TAB2: variants seen among roughly 807,000 people sequenced by gnomAD.
TAB2 encodes TGF-beta-activated kinase 1 and MAP3K7-binding protein 2.
In TAB2, 3 loss-of-function variants were observed where a neutral mutation model predicts 65.0. The ratio of observed to expected loss-of-function variants is 0.05; its 90% CI spans 0.02 to 0.12. The LOEUF is 0.12. TAB2 is among the 10% of genes least tolerant of loss of function. The pLI, the probability that TAB2 is intolerant of heterozygous loss-of-function variation, is 1.00. For synonymous variants in TAB2, 298 were observed against 285.1 expected (o/e 1.05, Z -0.46); for missense variants, 623 against 840.3 (o/e 0.74, Z 3.20).
chr6:149,251,957 T>C (rs568007941), intron 1 of TAB2, among the ~76,000 whole-genome samples: 1 of 151,446 alleles, frequency 6.6e-6, no homozygotes, highest in South Asian at 2.1e-4. Flanking sequence ...GATTTTCTTT[T>C]CTTGTTTTGT....
At chr6:149,278,194 G>A (rs1778512266) in intron 1 of TAB2, among the ~76,000 whole-genome samples, 1 of 152,036 alleles carries the variant, frequency 6.6e-6, no homozygotes, top group African/African-American at 2.4e-5. Flanking sequence ...CATATTATTT[G>A]TACCTGTTGT....
At chr6:149,267,473 A>C (rs933674927) in intron 1 of TAB2, among the ~76,000 whole-genome samples, 3 of 152,194 alleles carry the variant, frequency 2.0e-5, no homozygotes, top group Admixed American at 1.3e-4. Context: ...ATGATATTGA[A>C]ATATTTAGAT....
intron 1 of TAB2, among the ~76,000 whole-genome samples, chr6:149,348,822 C>CG (rs1780390710): frequency 6.6e-6 from 1 of 151,088 alleles, no homozygotes; most frequent in Admixed American, 6.6e-5. Context: ...AAAAATTAGC[C>CG]GGGGGTGGTG....
intron 1 of TAB2, among the ~76,000 whole-genome samples, chr6:149,282,579 C>T (rs1003147968): frequency 2.6e-5 from 4 of 152,114 alleles, no homozygotes; most frequent in Non-Finnish European, 2.9e-5. Flanking sequence ...TTAAAGAATT[C>T]GAATCATACA....
chr6:149,254,002 G>GAAAGAAAGAAAGA (rs1777931342), intron 1 of TAB2, among the ~76,000 whole-genome samples: 1 of 140,490 alleles, frequency 7.1e-6, no homozygotes, highest in Non-Finnish European at 1.6e-5. Flanking sequence ...AAGAAAGAAA[G>GAAAGAAAGAAAGA]AAAGAAAGAA....
intron 1 of TAB2, among the ~76,000 whole-genome samples, chr6:149,261,850 A>G (rs1423399736): frequency 6.6e-6 from 1 of 152,256 alleles, no homozygotes; most frequent in Non-Finnish European, 1.5e-5. Context: ...TTGCATGTGC[A>G]ACTCAGGCTA....
chr6:149,287,474 T>A (rs991487871), intron 1 of TAB2, among the ~76,000 whole-genome samples: 6 of 84,932 alleles, frequency 7.1e-5, no homozygotes, highest in Non-Finnish European at 1.3e-4. Flanking sequence ...AAGCAAACTT[T>A]GTTTTCTGTT....
intron 1 of TAB2, among the ~76,000 whole-genome samples, chr6:149,254,025 AAGAAAGAAAGAG>A (rs1554254280): frequency 6.7e-6 from 1 of 149,554 alleles, no homozygotes; most frequent in Admixed American, 6.7e-5. Flanking sequence ...AAAGAAAGAA[AAGAAAGAAAGAG>A]AGAAAGAAAG....
intron 2 of TAB2, 94 bp from the exon 3 acceptor site, chr6:149,377,924 A>G: frequency 1.1e-6 from 1 of 918,556 alleles, no homozygotes; most frequent in South Asian, 1.4e-5. Flanking sequence ...TAATTGTATT[A>G]GCCAGTCACT....
At chr6:149,339,827 G>A (rs939356347) in intron 1 of TAB2, among the ~76,000 whole-genome samples, 1 of 151,894 alleles carries the variant, frequency 6.6e-6, no homozygotes, top group African/African-American at 2.4e-5. Context: ...TCAAACTCCT[G>A]ACCTCACTCA....
At chr6:149,234,555 C>T (rs753542177) in intron 1 of TAB2, among the ~76,000 whole-genome samples, 1 of 152,204 alleles carries the variant, frequency 6.6e-6, no homozygotes, top group Non-Finnish European at 1.5e-5. Flanking sequence ...TCAACCTCCC[C>T]ATTTCACAGT....
chr6:149,237,203 T>C (rs1777510858), intron 1 of TAB2, among the ~76,000 whole-genome samples: 1 of 152,192 alleles, frequency 6.6e-6, no homozygotes, highest in African/African-American at 2.4e-5. Context: ...CCATGGATAA[T>C]ACATGAGCTT....
At chr6:149,328,689 T>G (rs1411824357) in intron 1 of TAB2, among the ~76,000 whole-genome samples, 1 of 152,222 alleles carries the variant, frequency 6.6e-6, no homozygotes, top group African/African-American at 2.4e-5. Context: ...TGGACAGATA[T>G]GTAAGATACA....
At chr6:149,409,035 T>C (rs1782755503) in intron 6 of TAB2, among the ~76,000 whole-genome samples, 1 of 152,204 alleles carries the variant, frequency 6.6e-6, no homozygotes, top group Non-Finnish European at 1.5e-5. Context: ...AATTTTTACA[T>C]AGATTTACTT....
intron 3 of TAB2, among the ~76,000 whole-genome samples, chr6:149,386,523 G>T (rs1781815330): frequency 6.6e-6 from 1 of 151,968 alleles, no homozygotes; most frequent in Admixed American, 6.6e-5. Context: ...ACATATTCTG[G>T]ACACGTGATA....
At chr6:149,287,207 A>G (rs964308380) in intron 1 of TAB2, among the ~76,000 whole-genome samples, 1 of 152,240 alleles carries the variant, frequency 6.6e-6, no homozygotes, top group African/African-American at 2.4e-5. Context: ...ACTGAAAGCA[A>G]AACAATATAT....
At chr6:149,220,392 C>A (rs1777116622) in intron 1 of TAB2, among the ~76,000 whole-genome samples, 1 of 152,130 alleles carries the variant, frequency 6.6e-6, no homozygotes, top group Non-Finnish European at 1.5e-5. Flanking sequence ...ACTTTAAACT[C>A]CATTGGACTA....
intron 1 of TAB2, among the ~76,000 whole-genome samples, chr6:149,229,740 G>GC (rs1016324338): frequency 3.9e-5 from 6 of 152,114 alleles, no homozygotes; most frequent in African/African-American, 1.4e-4. Flanking sequence ...CTGAACCCTT[G>GC]CAAGTCCTCA....
intron 1 of TAB2, among the ~76,000 whole-genome samples, chr6:149,227,065 A>G (rs1389012290): frequency 6.6e-6 from 1 of 152,210 alleles, no homozygotes; most frequent in Middle Eastern, 3.2e-3. Flanking sequence ...AAGAAAAAAA[A>G]CCTGGTGAAA....
Sources: allele counts gnomAD v4.1 joint callset (sites outside exome capture counted in the v4.1 genomes callset), GRCh38; gene constraint gnomAD v4.1.1; transcripts MANE v1.5; gene names NCBI Gene and HGNC (gene_info 2026-07-23, HGNC 2026-07-21).